Variants in BCAS3 observed in about 807,000 individuals in gnomAD.
BCAS3 encodes the protein BCAS3 microtubule associated cell migration factor, also known as BCAS4/BCAS3 fusion.
BCAS3 carries 53 observed loss-of-function variants against 116.1 expected under a neutral mutation model. That is an observed-to-expected ratio of 0.46 (90% CI 0.37 to 0.57). The LOEUF is 0.57. Among genes scored for constraint, BCAS3 ranks in the 20% least tolerant of loss-of-function variants. The pLI, the probability that BCAS3 is intolerant of heterozygous loss-of-function variation, is 0.00. For synonymous variants in BCAS3, 391 were observed against 408.2 expected, an observed-to-expected ratio of 0.96 and a Z score of 0.51; for missense variants, 917 against 1,165.4, an observed-to-expected ratio of 0.79 and a Z score of 3.10.
chr17:61,232,499 T>C (rs2082750068), intron 22 of BCAS3, among the ~76,000 whole-genome samples: 1 of 152,120 alleles, frequency 6.6e-6, no homozygotes, highest in Non-Finnish European at 1.5e-5. Context: ...GGTAGGAATA[T>C]GTGTTGTATT....
Position 60,944,874 on chromosome 17 carries a change from C to A in BCAS3, c.1088-2345C>A, listed in dbSNP as rs575698318. 2.6e-5 allele frequency among the ~76,000 whole-genome samples: 4 copies of A among 152,208 alleles called. No homozygotes were observed. In the East Asian group the frequency reaches 7.7e-4, roughly 29 times the overall value. On this transcript the variant is annotated intron_variant, in intron 13 of 23. Coordinates refer to ENST00000407086, the MANE Select transcript of BCAS3 (RefSeq NM_017679.5). ...TTTTACGAAGGACTTTTACAAAAAA[C>A]CTATACATAATGTTATACTTAAAGA... is the stretch of plus-strand genomic sequence containing the variant.
intron 15 of BCAS3, among the ~76,000 whole-genome samples, chr17:61,014,280 T>G (rs1246163014): frequency 6.6e-6 from 1 of 152,096 alleles, no homozygotes; most frequent in Non-Finnish European, 1.5e-5. Context: ...GAAAATGAGG[T>G]AATTTTTATA....
chr17:61,061,280 T>C (rs2070002062), intron 19 of BCAS3, among the ~76,000 whole-genome samples: 1 of 152,176 alleles, frequency 6.6e-6, no homozygotes, highest in South Asian at 2.1e-4. Flanking sequence ...ATGTGGATTT[T>C]CCTAGTATGT....
intron 7 of BCAS3, among the ~76,000 whole-genome samples, chr17:60,816,994 T>C (rs1198807604): frequency 6.6e-6 from 1 of 152,200 alleles, no homozygotes; most frequent in Non-Finnish European, 1.5e-5. Context: ...CCCTCAACTC[T>C]GATTTAGTTG....
chr17:61,044,811 T>G (rs2067895939), intron 19 of BCAS3, among the ~76,000 whole-genome samples: 1 of 151,474 alleles, frequency 6.6e-6, no homozygotes, highest in Admixed American at 6.6e-5. Flanking sequence ...CTTGCTCTGT[T>G]GCCAGGCTGG....
intron 13 of BCAS3, among the ~76,000 whole-genome samples, chr17:60,945,498 A>G (rs924832470): frequency 6.6e-6 from 1 of 152,218 alleles, no homozygotes; most frequent in Non-Finnish European, 1.5e-5. Context: ...TTAATAGAAT[A>G]GAACTTCAAA....
chr17:60,899,008 C>G (rs1021334904), intron 10 of BCAS3, among the ~76,000 whole-genome samples: 11 of 151,902 alleles, frequency 7.2e-5, no homozygotes, highest in Non-Finnish European at 1.3e-4. Flanking sequence ...TCCCAAGGAC[C>G]CTGGGTTATG....
chr17:61,230,140 T>TACAC (rs2082586702), intron 22 of BCAS3, among the ~76,000 whole-genome samples: 2 of 33,208 alleles, frequency 6.0e-5, no homozygotes. Context: ...AAAGTGTGTG[T>TACAC]ATACACACAC....
intron 22 of BCAS3, among the ~76,000 whole-genome samples, chr17:61,321,462 C>CA (rs2055204544): frequency 6.6e-6 from 1 of 152,320 alleles, no homozygotes; most frequent in East Asian, 1.9e-4. Context: ...AATGCATGAG[C>CA]AAAAGCAGCA....
chr17:60,874,767 T>C (rs771562337), intron 9 of BCAS3, 29 bp downstream of exon 9: 3 of 1,486,382 alleles, frequency 2.0e-6, no homozygotes, highest in African/African-American at 1.4e-5. Flanking sequence ...TCCCTTCTTA[T>C]GCCTTTGGGT....
chr17:61,031,457 G>A (rs2066633941), intron 16 of BCAS3, among the ~76,000 whole-genome samples: 1 of 151,894 alleles, frequency 6.6e-6, no homozygotes, highest in Non-Finnish European at 1.5e-5. Context: ...TAGGATGAAG[G>A]GCAGATTGAA....
At chr17:61,253,313 G>A (rs1015184350) in intron 22 of BCAS3, among the ~76,000 whole-genome samples, 4 of 151,640 alleles carry the variant, frequency 2.6e-5, no homozygotes, top group African/African-American at 7.3e-5. Context: ...AACACTTTGG[G>A]AGGCCGAGGC....
chr17:60,765,197 G>T (rs1220501769), intron 6 of BCAS3, among the ~76,000 whole-genome samples: 1 of 152,126 alleles, frequency 6.6e-6, no homozygotes, highest in Non-Finnish European at 1.5e-5. Flanking sequence ...TACATTTAAG[G>T]TTAATATTGT....
chr17:60,698,183 CA>C (rs759028839), intron 4 of BCAS3, among the ~76,000 whole-genome samples: 1,227 of 55,168 alleles, frequency 0.022, 3 homozygotes, highest in African/African-American at 0.074. Context: ...CTCCGTCTCA[CA>C]AAAAAAAAAA....
At position 60,805,840 on chromosome 17, in the gene BCAS3, G is replaced by A. The variant is rs1201741357; in HGVS notation, c.404-2164G>A. ...AGACTCCATCTGTAAAAAAAAAAGA[G>A]AAGTGACTCAGCCTAAGTTTTTTTT... On this transcript the variant is annotated intron_variant, in intron 6 of 23. Coordinates refer to ENST00000407086, the MANE Select transcript of BCAS3 (RefSeq NM_017679.5). Among the ~76,000 whole-genome samples, 36 of 148,510 alleles carry A rather than the reference G, an allele frequency of 2.4e-4. No individual in the cohort carries two copies. In the South Asian group the frequency reaches 7.7e-3, roughly 32 times the overall value.
At chr17:60,999,898 T>A (rs2064123215) in intron 15 of BCAS3, among the ~76,000 whole-genome samples, 1 of 152,188 alleles carries the variant, frequency 6.6e-6, no homozygotes, top group South Asian at 2.1e-4. Flanking sequence ...CTAGGTATTT[T>A]ATGGATTTTT....
rs186630172 is a variant in BCAS3 at position 61,053,391 on chromosome 17, A to G, written c.2029+12499A>G. Among the ~76,000 whole-genome samples the G allele has an allele frequency of 1.7e-3, 257 of 152,320 alleles. 1 individual carries two copies. The highest frequency in any genetic ancestry group is 5.4e-3 in the African/African-American group (223 of 41,566). ...TGTTGTTTCATGAGTTTTGAGTCCA[A>G]TGCTGATATGTTTTGTGCATGTTGC... On this transcript the variant is annotated intron_variant, in intron 19 of 23. Coordinates refer to ENST00000407086, the MANE Select transcript of BCAS3 (RefSeq NM_017679.5).
chr17:61,383,833 GC>G (rs1242810773), intron 23 of BCAS3: 1 of 152,200 alleles, frequency 6.6e-6, no homozygotes, highest in African/African-American at 2.4e-5. Flanking sequence ...TGTGGCTCTG[GC>G]CCGCCGGCCA....
At position 61,255,061 on chromosome 17, in the gene BCAS3, A is replaced by G. The variant is rs1174091804; in HGVS notation, c.2426-113266A>G. 2.0e-5 allele frequency among the ~76,000 whole-genome samples: 3 copies of G among 152,006 alleles called. No homozygotes were observed. In the East Asian group the frequency reaches 5.8e-4, roughly 29 times the overall value. On this transcript the variant is annotated intron_variant, in intron 22 of 23. Coordinates refer to ENST00000407086, the MANE Select transcript of BCAS3 (RefSeq NM_017679.5). ...TGGGACTTTGGTTTCATTAATCTCA[A>G]TTTGTTCTGAAGGCACTAAGGCAGA...
Sources: allele counts gnomAD v4.1 joint callset (sites outside exome capture counted in the v4.1 genomes callset), GRCh38; gene constraint gnomAD v4.1.1; transcripts MANE v1.5; gene names NCBI Gene and HGNC (gene_info 2026-07-23, HGNC 2026-07-21).